Variants in TSC22D1 observed in about 807,000 individuals in gnomAD.
The protein encoded by TSC22D1 is TSC22 domain family member 1.
Under a neutral mutation model 74.2 loss-of-function variants are expected in TSC22D1, and 9 were observed. That is an observed-to-expected ratio of 0.12 (90% CI 0.07 to 0.21). The LOEUF is 0.21. TSC22D1 is among the 10% of genes least tolerant of loss of function. The probability of loss-of-function intolerance (pLI) is 1.00; values close to 1 mark genes in which losing one functional copy is unlikely to be tolerated. For synonymous variants in TSC22D1, 586 were observed against 492.5 expected (o/e 1.19, Z -2.51); for missense variants, 1,427 against 1,304.7 (o/e 1.09, Z -1.44).
At chr13:44,505,934 C>T (rs1879427425) in intron 1 of TSC22D1, among the ~76,000 whole-genome samples, 1 of 152,114 alleles carries the variant, frequency 6.6e-6, no homozygotes, top group African/African-American at 2.4e-5. Flanking sequence ...TTTAAACATA[C>T]ATTAACTCAT....
chr13:44,542,200 T>C (rs1193987195), intron 1 of TSC22D1, among the ~76,000 whole-genome samples: 1 of 152,046 alleles, frequency 6.6e-6, no homozygotes, highest in Non-Finnish European at 1.5e-5. Context: ...TCTTGAATAC[T>C]AATCCATAAT....
At chr13:44,576,956 G>T (rs1341224887), upstream of TSC22D1, 1 of 152,728 alleles carries the variant, frequency 6.5e-6, no homozygotes, top group Admixed American at 6.5e-5. Flanking sequence ...GGGGAGGAAG[G>T]GGCCGGCACC....
chr13:44,487,314 C>T (rs11620150), intron 1 of TSC22D1, among the ~76,000 whole-genome samples: 28,124 of 151,368 alleles, frequency 0.19, 3,115 homozygotes, highest in East Asian at 0.3. Flanking sequence ...GCCTGTCCAA[C>T]ATGGCAAAAC....
chr13:44,438,030 T>TG (rs1230837393), intron 1 of TSC22D1, among the ~76,000 whole-genome samples: 4 of 152,228 alleles, frequency 2.6e-5, no homozygotes, highest in African/African-American at 9.6e-5. Flanking sequence ...TATATTAATT[T>TG]AAAATACTTG....
At chr13:44,538,805 G>A in intron 1 of TSC22D1, 2 of 985,418 alleles carry the variant, frequency 2.0e-6, no homozygotes, top group Non-Finnish European at 1.2e-6. Context: ...GTGCTGGCAT[G>A]TGTGACAGAT....
In TSC22D1 at chr13:44,576,044, CCGCGGCGGT is replaced by C. The variant is rs753657803; in HGVS notation, c.22_30del (p.Thr8_Ala10del). ...GCGCTAATGTCTGCAGCGGCGGCGG[CCGCGGCGGT>C]GGACTCAGGCGGCTGGTGCATTGTG... On this transcript the variant is annotated inframe_deletion, in exon 1 of 3. Coordinates refer to ENST00000458659, the MANE Select transcript of TSC22D1 (RefSeq NM_183422.4). 439 of 1,572,012 alleles carry C rather than the reference CCGCGGCGGT, an allele frequency of 2.8e-4. 5 individuals carry two copies. In the South Asian group the frequency reaches 4.9e-3, roughly 17 times the overall value.
intron 1 of TSC22D1, among the ~76,000 whole-genome samples, chr13:44,476,202 A>G (rs902547676): frequency 1.3e-5 from 2 of 152,208 alleles, no homozygotes; most frequent in Admixed American, 6.5e-5. Context: ...TGACATATAC[A>G]TAAATTAAGT....
chr13:44,539,538 TCAAATCATGTGCCC>T (rs1277414276), intron 1 of TSC22D1: 39 of 985,270 alleles, frequency 4.0e-5, no homozygotes, highest in Non-Finnish European at 4.7e-5. Flanking sequence ...TAGGCATTCG[TCAAATCATGTGCCC>T]CAAATCATCC....
intron 1 of TSC22D1, among the ~76,000 whole-genome samples, chr13:44,468,587 C>T (rs1170884916): frequency 1.3e-5 from 2 of 149,556 alleles, no homozygotes; most frequent in South Asian, 2.1e-4. Context: ...ATTTAAGATA[C>T]CTTCCACCTG....
chr13:44,481,011 G>A (rs1055804323), intron 1 of TSC22D1, among the ~76,000 whole-genome samples: 2 of 152,158 alleles, frequency 1.3e-5, no homozygotes, highest in African/African-American at 4.8e-5. Flanking sequence ...CCAAGCAACA[G>A]AACCTAGGGA....
intron 1 of TSC22D1, among the ~76,000 whole-genome samples, chr13:44,524,426 A>G (rs1359323286): frequency 2.0e-5 from 3 of 152,240 alleles, no homozygotes; most frequent in Non-Finnish European, 4.4e-5. Context: ...CTATTGCTGA[A>G]GCCAACAACT....
chr13:44,457,986 G>C (rs747453937), intron 1 of TSC22D1, among the ~76,000 whole-genome samples: 1 of 152,216 alleles, frequency 6.6e-6, no homozygotes, highest in African/African-American at 2.4e-5. Flanking sequence ...GACAGAATTA[G>C]AAAACTAAGT....
In TSC22D1 at chr13:44,551,389, G is replaced by GGTGGGT. The variant is rs1298469090; in HGVS notation, c.2912+21773_2912+21774insACCCAC. On this transcript the variant is annotated intron_variant, in intron 1 of 2. Coordinates refer to ENST00000458659, the MANE Select transcript of TSC22D1 (RefSeq NM_183422.4). ...AAAAACCCAAAACCCCAATCAGATG[G>GGTGGGT]GTGTGTGTGTGTGTGTGTGTGTGTG... Among the ~76,000 whole-genome samples the GGTGGGT allele has an allele frequency of 1.4e-4, 18 of 125,306 alleles. 1 individual carries two copies. The highest frequency in any genetic ancestry group is 9.6e-4 in the East Asian group (4 of 4,154). The allele number at this position is 125,306 out of a possible 152,430, so 82.2% of individuals were successfully genotyped here.
At chr13:44,486,395 G>A (rs1408341686) in intron 1 of TSC22D1, among the ~76,000 whole-genome samples, 3 of 152,080 alleles carry the variant, frequency 2.0e-5, no homozygotes, top group African/African-American at 7.2e-5. Context: ...CATCATTAGG[G>A]TTAAAGAGAA....
chr13:44,476,811 G>C (rs1482116737), intron 1 of TSC22D1, among the ~76,000 whole-genome samples: 1 of 152,062 alleles, frequency 6.6e-6, no homozygotes, highest in East Asian at 1.9e-4. Flanking sequence ...CAAGTAGCTG[G>C]GACTACAGGT....
At chr13:44,577,204 G>A (rs1270440364), upstream of TSC22D1, 1 of 152,404 alleles carries the variant, frequency 6.6e-6, no homozygotes, top group Non-Finnish European at 1.5e-5. Flanking sequence ...TCGGCAAACG[G>A]GGCGGGGGAG....
intron 1 of TSC22D1, among the ~76,000 whole-genome samples, chr13:44,570,968 T>C (rs57018161): frequency 0.065 from 9,852 of 152,224 alleles, 412 homozygotes; most frequent in African/African-American, 0.11. Flanking sequence ...ATAAAGAATA[T>C]AATATATATC....
rs749750005 is a variant in TSC22D1 at position 44,573,818 on chromosome 13, C to T, written c.2257G>A (p.Val753Ile). The change falls in exon 1 of 3, where the codon GTT becomes ATT. Residue 753 changes from valine to isoleucine, a missense_variant. Coordinates refer to ENST00000458659, the MANE Select transcript of TSC22D1 (RefSeq NM_183422.4). ...GATGGAGGAGCACCCTGCTGAATAACTGAAGGTGGAACCTGGGTAGAGGGC... is the reference window on the plus strand; with the variant it reads ...GATGGAGGAGCACCCTGCTGAATAATTGAAGGTGGAACCTGGGTAGAGGGC... The part of the protein sequence containing the change: ...QQPSTQVPPS[V>I]IQQGAPPSSQ... The T allele has an allele frequency of 6.2e-7, 1 of 1,614,232 alleles. No individual in the cohort carries two copies. The highest frequency in any genetic ancestry group is 2.2e-5 in the East Asian group (1 of 44,888).
rs183871828 is a variant in TSC22D1 at position 44,456,272 on chromosome 13, G to A, written c.2913-20177C>T. Among the ~76,000 whole-genome samples, 11 of 152,328 alleles carry A rather than the reference G, an allele frequency of 7.2e-5. No homozygotes were observed. In the East Asian group the frequency reaches 2.1e-3, roughly 29 times the overall value. ...CCCGAGCGGGTTGCTGCTGCTGGCT[G>A]GAGTAGCCAGCTTTTATTCCCTTAT... is the stretch of plus-strand genomic sequence containing the variant. On this transcript the variant is annotated intron_variant, in intron 1 of 2. Coordinates refer to ENST00000458659, the MANE Select transcript of TSC22D1 (RefSeq NM_183422.4).
Sources: allele counts gnomAD v4.1 joint callset (sites outside exome capture counted in the v4.1 genomes callset), GRCh38; gene constraint gnomAD v4.1.1; transcripts MANE v1.5; gene names NCBI Gene and HGNC (gene_info 2026-07-23, HGNC 2026-07-21).